Variants in ERI1 observed in about 807,000 individuals in gnomAD.
The protein encoded by ERI1 is exoribonuclease 1, also known as 3'-5' exoribonuclease 1.
In ERI1, 39 loss-of-function variants were observed where a neutral mutation model predicts 39.7. That is an observed-to-expected ratio of 0.98 (90% CI 0.76 to 1.28). The LOEUF (loss-of-function observed/expected upper bound fraction) is 1.28. Ranked by LOEUF, ERI1 falls within the 50% of genes most tolerant of loss-of-function variation. ERI1 has a pLI of 0.00. For missense variants in ERI1, 581 were observed against 416.9 expected (o/e 1.39, Z -3.43); for synonymous variants, 204 against 149.6 (o/e 1.36, Z -2.65).
downstream of ERI1, among the ~76,000 whole-genome samples, chr8:9,034,251 A>T (rs1472102707): frequency 1.3e-5 from 2 of 152,270 alleles, no homozygotes; most frequent in Non-Finnish European, 2.9e-5. Context: ...GGTAAATTTC[A>T]TTAGATTTGT....
chr8:9,004,219 C>A (rs1443182002), intron 1 of ERI1: 1 of 1,268,852 alleles, frequency 7.9e-7, no homozygotes, highest in Non-Finnish European at 1.0e-6. Flanking sequence ...AGAGTACTTG[C>A]ACATCCCTTC....
intron 3 of ERI1, among the ~76,000 whole-genome samples, chr8:9,041,828 G>A (rs1325545139): frequency 6.6e-6 from 1 of 152,126 alleles, no homozygotes; most frequent in Non-Finnish European, 1.5e-5. Context: ...TCTGCCTCCC[G>A]GGTTCAGGCG....
At chr8:9,071,998 C>G (rs1242139017) in intron 3 of ERI1, among the ~76,000 whole-genome samples, 1 of 152,064 alleles carries the variant, frequency 6.6e-6, no homozygotes, top group East Asian at 1.9e-4. Flanking sequence ...CCTGGGAGGT[C>G]GAGGCTGCAG....
chr8:9,003,581 T>A (rs1279823689), intron 1 of ERI1, among the ~76,000 whole-genome samples: 2 of 152,184 alleles, frequency 1.3e-5, no homozygotes, highest in Admixed American at 6.5e-5. Context: ...AAAGAAAAAA[T>A]TTAAAAAGCA....
chr8:9,083,346 C>T (rs1309041393), intron 3 of ERI1, among the ~76,000 whole-genome samples: 1 of 152,146 alleles, frequency 6.6e-6, no homozygotes, highest in African/African-American at 2.4e-5. Context: ...GTATCTGCCC[C>T]CTAAAGAAAG....
chr8:9,010,913 C>G (rs1199288849), intron 2 of ERI1, among the ~76,000 whole-genome samples: 1 of 152,120 alleles, frequency 6.6e-6, no homozygotes, highest in African/African-American at 2.4e-5. Flanking sequence ...AAACTTATTT[C>G]TAGTTAAGAA....
Position 9,076,501 on chromosome 8 carries a change from C to T in ERI1, n.300-39847C>T, listed in dbSNP as rs897890709. The stretch of plus-strand genomic sequence containing the variant: ...TAGACAAGTGAGAACTCATCTGGGC[C>T]TTGAACTTGACTTTCTCTCAAGTAC... On this transcript the variant is annotated intron_variant and non_coding_transcript_variant, in intron 3 of 3. Coordinates refer to the ERI1 transcript ENST00000518663. Among the ~76,000 whole-genome samples, 19 of 152,294 alleles carry T rather than the reference C, an allele frequency of 1.2e-4. 1 individual carries two copies. The highest frequency in any genetic ancestry group is 4.1e-4 in the African/African-American group (17 of 41,560).
intron 6 of ERI1, among the ~76,000 whole-genome samples, chr8:9,020,975 T>C (rs1023208021): frequency 2.6e-5 from 4 of 152,208 alleles, no homozygotes; most frequent in African/African-American, 9.6e-5. Flanking sequence ...TTCATGCTTA[T>C]ACTACTTCTT....
chr8:9,083,463 T>G (rs1799429442), intron 3 of ERI1, among the ~76,000 whole-genome samples: 2 of 152,118 alleles, frequency 1.3e-5, no homozygotes, highest in Admixed American at 1.3e-4. Context: ...ATCTCTTTAT[T>G]AAGGAAAAAT....
rs532405516 is a variant in ERI1 at position 9,065,303 on chromosome 8, CT to C, written n.299+44842del. On this transcript the variant is annotated intron_variant and non_coding_transcript_variant, in intron 3 of 3. Coordinates refer to the ERI1 transcript ENST00000518663. ...TTCTTTCTACGAGGTTTCTTTTGTT[CT>C]TTGAGGTGATGATGAACTTGGTCAC... Among the ~76,000 whole-genome samples, 747 of 152,232 alleles carry C rather than the reference CT, an allele frequency of 4.9e-3. 3 individuals are homozygous for C. The highest frequency in any genetic ancestry group is 0.02 in the Middle Eastern group (6 of 294).
At chr8:9,088,076 T>A (rs1190879069) in intron 3 of ERI1, among the ~76,000 whole-genome samples, 4 of 152,112 alleles carry the variant, frequency 2.6e-5, no homozygotes, top group Non-Finnish European at 5.9e-5. Context: ...GAGAAGTTAC[T>A]TATGAAATCA....
At chr8:9,063,778 C>G (rs577544063) in intron 3 of ERI1, among the ~76,000 whole-genome samples, 8 of 152,188 alleles carry the variant, frequency 5.3e-5, no homozygotes, top group African/African-American at 1.9e-4. Context: ...CGTTTTCTGG[C>G]TATTTGGAAC....
chr8:9,067,419 T>TGTGTGC (rs757726174), intron 3 of ERI1, among the ~76,000 whole-genome samples: 1 of 137,168 alleles, frequency 7.3e-6, no homozygotes, highest in Non-Finnish European at 1.6e-5. Flanking sequence ...TGTGTGTGTG[T>TGTGTGC]GCAATATCAA....
chr8:9,012,941 A>G lies in ERI1; in HGVS notation c.498+1189A>G, dbSNP rs539546487. Among the ~76,000 whole-genome samples the G allele has an allele frequency of 6.6e-5, 10 of 152,168 alleles. No homozygotes were observed. The East Asian group carries it at 1.7e-3, about 26-fold the overall frequency. On this transcript the variant is annotated intron_variant, in intron 3 of 6. Transcript: ENST00000250263. ...CAATAAAGTTTAAGCTGTGTATTCA[A>G]TCCCATCATTCCACTAAAATCACTC...
chr8:9,063,991 G>A (rs1443351004), intron 3 of ERI1, among the ~76,000 whole-genome samples: 1 of 151,996 alleles, frequency 6.6e-6, no homozygotes, highest in Non-Finnish European at 1.5e-5. Flanking sequence ...CGGAGGGAAG[G>A]GGTTCAGGGG....
At chr8:9,054,506 A>C (rs377347137) in intron 3 of ERI1, among the ~76,000 whole-genome samples, 4 of 152,366 alleles carry the variant, frequency 2.6e-5, no homozygotes, top group African/African-American at 9.6e-5. Context: ...ACAGGAAAAA[A>C]GCACAACAAA....
chr8:9,094,265 G>C (rs1419434116), intron 3 of ERI1, among the ~76,000 whole-genome samples: 1 of 152,156 alleles, frequency 6.6e-6, no homozygotes, highest in Non-Finnish European at 1.5e-5. Context: ...TGGACTCTCA[G>C]GACAAATCCA....
chr8:9,053,477 C>T (rs556993388), intron 3 of ERI1, among the ~76,000 whole-genome samples: 71 of 152,106 alleles, frequency 4.7e-4, no homozygotes, highest in African/African-American at 1.6e-3. Context: ...AGCCACTAGC[C>T]CCATACCTCG....
At chr8:9,010,996 AG>A (rs1481402787) in intron 2 of ERI1, among the ~76,000 whole-genome samples, 1 of 152,194 alleles carries the variant, frequency 6.6e-6, no homozygotes, top group Non-Finnish European at 1.5e-5. Flanking sequence ...CTTGTTAAGT[AG>A]CCAACAGACA....
Sources: allele counts gnomAD v4.1 joint callset (sites outside exome capture counted in the v4.1 genomes callset), GRCh38; gene constraint gnomAD v4.1.1; transcripts MANE v1.5; gene names NCBI Gene and HGNC (gene_info 2026-07-23, HGNC 2026-07-21).